ARHGEF2: variants seen among roughly 807,000 people sequenced by gnomAD.
ARHGEF2 encodes rho guanine nucleotide exchange factor 2.
In ARHGEF2, 22 loss-of-function variants were observed where a neutral mutation model predicts 121.0. That is an observed-to-expected ratio of 0.18 (90% CI 0.13 to 0.26). The LOEUF (loss-of-function observed/expected upper bound fraction) is 0.26. Ranked by LOEUF, ARHGEF2 falls within the 10% of genes least tolerant of loss-of-function variation. The pLI, the probability that ARHGEF2 is intolerant of heterozygous loss-of-function variation, is 1.00. For missense variants in ARHGEF2, 907 were observed against 1,336.0 expected, an observed-to-expected ratio of 0.68 and a Z score of 5.01; for synonymous variants, 487 against 530.0, an observed-to-expected ratio of 0.92 and a Z score of 1.11.
chr1:155,957,654 T>C lies in ARHGEF2; in HGVS notation c.1715+59A>G. 46 of 1,537,154 alleles carry C rather than the reference T, an allele frequency of 3.0e-5. 1 individual carries two copies. The highest frequency in any genetic ancestry group is 3.9e-5 in the Non-Finnish European group (44 of 1,140,492). On this transcript the variant is annotated intron_variant, in intron 13 of 21. Coordinates refer to ENST00000361247, the MANE Select transcript of ARHGEF2 (RefSeq NM_001162383.2). ...TTCCCAGGGAGTTCTATGGTTGGGATCTAATGCTGCAGGTACCCTGAGGTC... is the reference window on the plus strand; with the variant it reads ...TTCCCAGGGAGTTCTATGGTTGGGACCTAATGCTGCAGGTACCCTGAGGTC...
chr1:155,966,697 G>T, intron 3 of ARHGEF2, 123 bp downstream of exon 3: 2 of 1,207,190 alleles, frequency 1.7e-6, no homozygotes, highest in Non-Finnish European at 2.4e-6. Context: ...GAGGGTCTGG[G>T]CTGCCCCTTG....
chr1:155,957,756 C>T lies in ARHGEF2; in HGVS notation c.1672G>A (p.Asp558Asn). 1 of 1,614,054 alleles carries T rather than the reference C, an allele frequency of 6.2e-7. No homozygotes were observed. The highest frequency in any genetic ancestry group is 8.5e-7 in the Non-Finnish European group (1 of 1,179,980). The change falls in exon 13 of 22, where the codon GAC (aspartate) becomes AAC (asparagine). Residue 558 changes from aspartate (D) to asparagine (N), a missense_variant. Around this residue, in one of 2 missense-constraint regions of ARHGEF2, gnomAD observed 475 missense variants for 776.5 expected, o/e 0.61. Coordinates refer to ENST00000361247, the MANE Select transcript of ARHGEF2 (RefSeq NM_001162383.2). ...MYEVHTASRD[D>N]RSTWIRVIQQ... Reference sequence around the variant, plus strand: ...ATGACCCGGATCCAGGTGCTCCGGTCATCCCGGGATGCTGTGTGCACCTCG... The same window carrying T: ...ATGACCCGGATCCAGGTGCTCCGGTTATCCCGGGATGCTGTGTGCACCTCG...
Position 155,947,926 on chromosome 1 carries a change from G to A in ARHGEF2, c.*16C>T. ...ATGTTCTTCAGTGGGGCACGGGGCA[G>A]GGGGGAGGGGCCCCCTTAGCTCTCG... On this transcript the variant is annotated 3_prime_UTR_variant, in exon 22 of 22. Coordinates refer to ENST00000361247, the MANE Select transcript of ARHGEF2 (RefSeq NM_001162383.2). The A allele has an allele frequency of 6.5e-7, 1 of 1,528,630 alleles. No individual in the cohort carries two copies. The highest frequency in any genetic ancestry group is 1.2e-5 in the South Asian group (1 of 83,160). 94.7% of individuals were successfully genotyped at this position (1,528,630 alleles called of 1,614,324 possible). A position where few individuals can be genotyped will look rare whatever the true frequency, so the allele number is the denominator to read the frequency against.
In ARHGEF2 at chr1:155,978,137, C is replaced by T; in HGVS notation, c.63+228G>A. On this transcript the variant is annotated intron_variant, in intron 1 of 21. Coordinates refer to ENST00000361247, the MANE Select transcript of ARHGEF2 (RefSeq NM_001162383.2). This position sits in a 1 kb window ranked among gnomAD's most constrained non-coding sequence, Gnocchi z 4.1. Reference sequence around the variant, plus strand: ...GCTTGGAGGCGACCAAGCCCAGGTCCGCTCCGCTCCCTCCCGGGATCCCAG... The same window carrying T: ...GCTTGGAGGCGACCAAGCCCAGGTCTGCTCCGCTCCCTCCCGGGATCCCAG... The T allele has an allele frequency of 7.8e-7, 1 of 1,277,326 alleles. No individual in the cohort carries two copies. The highest frequency in any genetic ancestry group is 3.6e-5 in the Admixed American group (1 of 27,680). 79.1% of individuals were successfully genotyped at this position (1,277,326 alleles called of 1,614,324 possible). A position where few individuals can be genotyped will look rare whatever the true frequency, so the allele number is the denominator to read the frequency against.
chr1:155,950,115 G>C lies in ARHGEF2; in HGVS notation c.2887+184C>G, dbSNP rs538790077. On this transcript the variant is annotated intron_variant, in intron 21 of 21. Transcript: ENST00000361247. This position sits in a 1 kb window ranked among gnomAD's most constrained non-coding sequence, Gnocchi z 5.2. ...GTTGGGAATCACCAACCAGTTGGAG[G>C]AGAGAGGCCCCTCCTGCTTCCTAGA... Among the ~76,000 whole-genome samples the C allele has an allele frequency of 1.2e-4, 19 of 152,232 alleles. No homozygotes were observed. The East Asian group carries it at 3.1e-3, about 25-fold the overall frequency.
intron 1 of ARHGEF2, 117 bp from the exon 2 acceptor site, chr1:155,969,417 A>C: frequency 6.5e-7 from 1 of 1,527,186 alleles, no homozygotes; most frequent in Non-Finnish European, 8.8e-7. Flanking sequence ...AGGATGCTGG[A>C]AAGACACCAG....
intron 14 of ARHGEF2, 60 bp downstream of exon 14, chr1:155,954,842 A>G (rs1676345850): frequency 1.4e-6 from 2 of 1,473,582 alleles, no homozygotes; most frequent in Admixed American, 3.5e-5. Flanking sequence ...ACAGTTGCAT[A>G]ATATTCCATT....
chr1:155,962,016 C>G lies in ARHGEF2; in HGVS notation c.1219+89G>C. On this transcript the variant is annotated intron_variant, in intron 10 of 21. Coordinates refer to ENST00000361247, the MANE Select transcript of ARHGEF2 (RefSeq NM_001162383.2). The surrounding 1 kb of genome is among the most constrained non-coding windows in gnomAD (Gnocchi z 5.8). Reference sequence around the variant, plus strand: ...TAGAGGCTGCCCAGGGTTTCACACCCGACCCCACCCTTCCTGTGGTCATAC... The same window carrying G: ...TAGAGGCTGCCCAGGGTTTCACACCGGACCCCACCCTTCCTGTGGTCATAC... 6.2e-7 allele frequency: 1 copy of G among 1,601,438 alleles called. No homozygotes were observed. Among genetic ancestry groups the G allele is most frequent in the Non-Finnish European group, 8.5e-7 (1 of 1,170,998 alleles).
intron 21 of ARHGEF2, 21 bp from the exon 22 acceptor site, chr1:155,948,036 G>A (rs912819359): frequency 1.2e-5 from 18 of 1,547,236 alleles, no homozygotes; most frequent in African/African-American, 4.1e-5. Context: ...ACAGGACAAA[G>A]CCAGTGAGTT....
chr1:155,962,324 C>T lies in ARHGEF2; in HGVS notation c.1102-102G>A, dbSNP rs1678130597. On this transcript the variant is annotated intron_variant, in intron 9 of 21. Transcript: ENST00000361247. This position sits in a 1 kb window ranked among gnomAD's most constrained non-coding sequence, Gnocchi z 5.8. ...CCCTGGCGTGGCCATTTACCTCATG[C>T]TTGCCTAGGTGACATATCTGGAAAA... 1.6e-6 allele frequency: 2 copies of T among 1,239,282 alleles called. No homozygotes were observed. The allele number at this position is 1,239,282 out of a possible 1,614,324, so 76.8% of individuals were successfully genotyped here.
At chr1:155,973,741 G>C (rs926785849) in intron 1 of ARHGEF2, among the ~76,000 whole-genome samples, 1 of 149,372 alleles carries the variant, frequency 6.7e-6, no homozygotes, top group African/African-American at 2.5e-5. Flanking sequence ...GCGAGACTCT[G>C]TCTCAAAAAA....
At chr1:155,978,869 C>A, upstream of ARHGEF2, 1 of 988,956 alleles carries the variant, frequency 1.0e-6, no homozygotes. This position sits in a 1 kb window ranked among gnomAD's most constrained non-coding sequence, Gnocchi z 4.1. Context: ...CCCCTTCTTC[C>A]CTTCTCCCCT....
At chr1:155,968,140 C>T (rs1429315353) in intron 2 of ARHGEF2, 1 of 151,974 alleles carries the variant, frequency 6.6e-6, no homozygotes, top group Non-Finnish European at 1.5e-5. Context: ...CCCTCCTCAT[C>T]CTCACAACTC....
At chr1:155,966,974 G>A in intron 2 of ARHGEF2, 87 bp from the exon 3 acceptor site, 1 of 1,301,224 alleles carries the variant, frequency 7.7e-7, no homozygotes, top group African/African-American at 1.5e-5. Context: ...TCTCCTCCTG[G>A]CCACACAGTC....
intron 1 of ARHGEF2, among the ~76,000 whole-genome samples, chr1:155,976,662 T>C (rs1227988889): frequency 1.1e-5 from 1 of 93,350 alleles, no homozygotes; most frequent in Non-Finnish European, 2.0e-5. Flanking sequence ...AGCTCCCCCA[T>C]GGCTTTCCTT....
intron 1 of ARHGEF2, among the ~76,000 whole-genome samples, chr1:155,975,699 A>G (rs1033125421): frequency 6.6e-6 from 1 of 152,136 alleles, no homozygotes; most frequent in African/African-American, 2.4e-5. Context: ...ACAAAGAAAT[A>G]GTCGCTCTGC....
At chr1:155,964,174 A>ATATT (rs1310252718) in intron 7 of ARHGEF2, among the ~76,000 whole-genome samples, 1 of 78,706 alleles carries the variant, frequency 1.3e-5, no homozygotes, top group Non-Finnish European at 2.2e-5. Flanking sequence ...AAAAATATAT[A>ATATT]TATATATATA....
intron 16 of ARHGEF2, 39 bp from the exon 17 acceptor site, chr1:155,952,025 C>CT (rs1006616591): frequency 6.2e-7 from 1 of 1,613,954 alleles, no homozygotes; most frequent in African/African-American, 1.3e-5. Context: ...GCTCACTTCC[C>CT]TGGGGCCCTG....
chr1:155,979,482 C>G (rs1386296343), upstream of ARHGEF2, among the ~76,000 whole-genome samples: 1 of 152,238 alleles, frequency 6.6e-6, no homozygotes, highest in Non-Finnish European at 1.5e-5. Flanking sequence ...TGGGAAAATT[C>G]CTCCTCCAGT....
Sources: allele counts gnomAD v4.1 joint callset (sites outside exome capture counted in the v4.1 genomes callset), GRCh38; gene constraint gnomAD v4.1.1; regional missense constraint gnomAD v4.1.1; non-coding constraint Gnocchi (gnomAD v3.1); transcripts MANE v1.5; gene names NCBI Gene and HGNC (gene_info 2026-07-23, HGNC 2026-07-21).